SLC13A3: variants seen among roughly 807,000 people sequenced by gnomAD.
SLC13A3 encodes Na(+)/dicarboxylate cotransporter 3.
A neutral mutation model predicts 59.0 loss-of-function variants in SLC13A3; 40 were observed. The observed-to-expected ratio is 0.68, with a 90% CI of 0.53 to 0.88. The LOEUF (loss-of-function observed/expected upper bound fraction) is 0.88. Ranked by LOEUF, SLC13A3 falls within the 40% of genes least tolerant of loss-of-function variation. The pLI is 0.00. For missense variants in SLC13A3, 699 were observed against 783.2 expected (o/e 0.89, Z 1.28); for synonymous variants, 317 against 330.3 (o/e 0.96, Z 0.44).
chr20:46,627,569 A>T (rs1020615192), intron 1 of SLC13A3, among the ~76,000 whole-genome samples: 2 of 152,002 alleles, frequency 1.3e-5, no homozygotes, highest in Admixed American at 6.6e-5. Context: ...TTTTGCTTCT[A>T]TGTGAAATCT....
intron 1 of SLC13A3, among the ~76,000 whole-genome samples, chr20:46,662,904 C>G (rs2063039930): frequency 6.6e-6 from 1 of 152,088 alleles, no homozygotes; most frequent in African/African-American, 2.4e-5. Flanking sequence ...TTGTAACTGA[C>G]CTTGGTGTGA....
At chr20:46,630,130 G>T (rs141742639) in intron 1 of SLC13A3, among the ~76,000 whole-genome samples, 1 of 152,156 alleles carries the variant, frequency 6.6e-6, no homozygotes, top group Non-Finnish European at 1.5e-5. Context: ...TCTAAGCAAG[G>T]GGGAGCCCCT....
At chr20:46,578,291 C>T (rs192765599) in intron 9 of SLC13A3, among the ~76,000 whole-genome samples, 255 of 152,254 alleles carry the variant, frequency 1.7e-3, no homozygotes, top group African/African-American at 5.8e-3. Context: ...AAACACTCTT[C>T]TGGGCTCTCA....
chr20:46,570,899 T>C (rs916076493), intron 10 of SLC13A3, among the ~76,000 whole-genome samples: 2 of 152,206 alleles, frequency 1.3e-5, no homozygotes, highest in Non-Finnish European at 2.9e-5. Flanking sequence ...ATAATAATTG[T>C]ATTAGTCCAT....
chr20:46,645,827 G>GT (rs1408871270), intron 1 of SLC13A3, among the ~76,000 whole-genome samples: 1 of 152,060 alleles, frequency 6.6e-6, no homozygotes, highest in African/African-American at 2.4e-5. Context: ...GATGATCCTG[G>GT]TTTTCCATAC....
intron 2 of SLC13A3, among the ~76,000 whole-genome samples, chr20:46,611,087 T>A (rs2062489615): frequency 6.6e-6 from 1 of 152,074 alleles, no homozygotes; most frequent in Admixed American, 6.5e-5. Flanking sequence ...AATCTAAGTA[T>A]CAGGATTTTT....
chr20:46,605,803 T>A (rs533006799), intron 3 of SLC13A3, among the ~76,000 whole-genome samples: 1 of 152,254 alleles, frequency 6.6e-6, no homozygotes, highest in South Asian at 2.1e-4. Flanking sequence ...ATGACTAAGA[T>A]GTTCTTAAAA....
upstream of SLC13A3, among the ~76,000 whole-genome samples, chr20:46,652,413 T>C (rs2062957997): frequency 6.6e-6 from 1 of 152,040 alleles, no homozygotes; most frequent in African/African-American, 2.4e-5. Flanking sequence ...TTTTGAGATG[T>C]AGTCTCACTC....
intron 10 of SLC13A3, among the ~76,000 whole-genome samples, chr20:46,570,274 T>C (rs1051272700): frequency 6.6e-6 from 1 of 152,246 alleles, no homozygotes; most frequent in African/African-American, 2.4e-5. Context: ...AACATAGTGC[T>C]TACTCTGTGC....
upstream of SLC13A3, among the ~76,000 whole-genome samples, chr20:46,674,604 C>CGCGCGCGCGCGCGT (rs370861850): frequency 2.4e-4 from 31 of 127,876 alleles, no homozygotes; most frequent in African/African-American, 8.9e-4. Flanking sequence ...CGCGCGCGCG[C>CGCGCGCGCGCGCGT]GTGTGTGTGT....
At chr20:46,575,254 G>A (rs1187587621) in intron 10 of SLC13A3, among the ~76,000 whole-genome samples, 2 of 152,206 alleles carry the variant, frequency 1.3e-5, no homozygotes, top group Non-Finnish European at 2.9e-5. Flanking sequence ...ACAGTGTCTG[G>A]CATTGGGTGA....
intron 1 of SLC13A3, among the ~76,000 whole-genome samples, chr20:46,623,467 G>A (rs1192306837): frequency 6.6e-6 from 1 of 152,124 alleles, no homozygotes; most frequent in African/African-American, 2.4e-5. Flanking sequence ...CTGGGCTCAA[G>A]TGAACCTCCC....
chr20:46,621,020 G>A (rs1469908453), intron 1 of SLC13A3, among the ~76,000 whole-genome samples: 1 of 152,244 alleles, frequency 6.6e-6, no homozygotes, highest in Non-Finnish European at 1.5e-5. Flanking sequence ...AAGTGGTCCG[G>A]TCAAAGCAAA....
At chr20:46,667,050 C>T (rs945884521) in intron 1 of SLC13A3, among the ~76,000 whole-genome samples, 3 of 151,956 alleles carry the variant, frequency 2.0e-5, no homozygotes, top group Non-Finnish European at 4.4e-5. Context: ...CCAGATCATG[C>T]TGATGCTGTT....
At chr20:46,576,601 C>T (rs1219212304) in intron 9 of SLC13A3, among the ~76,000 whole-genome samples, 3 of 152,184 alleles carry the variant, frequency 2.0e-5, no homozygotes, top group Admixed American at 2.0e-4. Context: ...CAGTGCCTGA[C>T]ACCTGATGGT....
chr20:46,606,859 A>G (rs569189115), intron 3 of SLC13A3, among the ~76,000 whole-genome samples: 4 of 152,322 alleles, frequency 2.6e-5, no homozygotes, highest in African/African-American at 7.2e-5. Flanking sequence ...GCGTGCATGC[A>G]GGGGGACATT....
At chr20:46,563,042 A>G (rs1261452863) in intron 12 of SLC13A3, among the ~76,000 whole-genome samples, 1 of 152,174 alleles carries the variant, frequency 6.6e-6, no homozygotes, top group Non-Finnish European at 1.5e-5. Context: ...TCCCACTGCT[A>G]CAGTCCTCCG....
intron 1 of SLC13A3, among the ~76,000 whole-genome samples, chr20:46,648,773 C>A (rs373036911): frequency 1.5e-4 from 23 of 152,214 alleles, no homozygotes; most frequent in African/African-American, 5.5e-4. Context: ...GGTGTGGTGA[C>A]AGGAGCTGAT....
intron 3 of SLC13A3, among the ~76,000 whole-genome samples, chr20:46,602,929 A>C (rs953372379): frequency 6.6e-6 from 1 of 152,174 alleles, no homozygotes; most frequent in African/African-American, 2.4e-5. Flanking sequence ...CTGTAATCCC[A>C]GCACTTTGGG....
Sources: allele counts gnomAD v4.1 joint callset (sites outside exome capture counted in the v4.1 genomes callset), GRCh38; gene constraint gnomAD v4.1.1; transcripts MANE v1.5; gene names NCBI Gene and HGNC (gene_info 2026-07-23, HGNC 2026-07-21).